GNB4: variants seen among roughly 807,000 people sequenced by gnomAD.
The protein encoded by GNB4 is guanine nucleotide-binding protein subunit beta-4.
GNB4 carries 28 observed loss-of-function variants against 45.2 expected under a neutral mutation model. The observed-to-expected ratio is 0.62, with a 90% CI of 0.46 to 0.85. The LOEUF is 0.85. Among genes scored for constraint, GNB4 ranks in the 40% least tolerant of loss-of-function variants. The pLI is 0.00. For synonymous variants in GNB4, 132 were observed against 143.7 expected (o/e 0.92, Z 0.58); for missense variants, 321 against 425.4 (o/e 0.75, Z 2.16).
Position 179,398,093 on chromosome 3 carries a change from TTAGAAAAGAATATGTATCTCTAAAA to T in GNB4, c.*3095_*3119del. ...TCAACACCACAGGGTGATAACATACTTAGAAAAGAATATGTATCTCTAAAATATTCTTGCCAGATCTCAAAAAACT... is the reference window on the plus strand; with the variant it reads ...TCAACACCACAGGGTGATAACATACTTATTCTTGCCAGATCTCAAAAAACT... On this transcript the variant is annotated 3_prime_UTR_variant, in exon 10 of 10. Coordinates refer to ENST00000232564, the MANE Select transcript of GNB4 (RefSeq NM_021629.4). The T allele has an allele frequency of 6.6e-6, 1 of 152,256 alleles. No homozygotes were observed. The highest frequency in any genetic ancestry group is 2.1e-4 in the South Asian group (1 of 4,826). The allele number at this position is 152,256 out of a possible 1,614,324, so 9.4% of individuals were successfully genotyped here.
chr3:179,505,236 G>A, the GNB4 span, among the ~76,000 whole-genome samples: 1 of 152,176 alleles, frequency 6.6e-6, no homozygotes, highest in East Asian at 1.9e-4. Context: ...CCCTCTCATC[G>A]CAAAGCTCCA....
the GNB4 span, among the ~76,000 whole-genome samples, chr3:179,520,176 C>T: frequency 7.1e-6 from 1 of 140,372 alleles, no homozygotes; most frequent in Admixed American, 7.1e-5. Flanking sequence ...TAGACTGACC[C>T]TGACACCCAT....
chr3:179,401,378 T>C lies in GNB4; in HGVS notation c.917-59A>G, dbSNP rs1281779282. The C allele has an allele frequency of 1.1e-5, 11 of 1,025,926 alleles. No homozygotes were observed. In the Admixed American group the frequency reaches 1.7e-4, roughly 16 times the overall value. The allele number at this position is 1,025,926 out of a possible 1,614,324, so 63.6% of individuals were successfully genotyped here. On this transcript the variant is annotated intron_variant, in intron 9 of 9. Coordinates refer to ENST00000232564, the MANE Select transcript of GNB4 (RefSeq NM_021629.4). Reference sequence around the variant, plus strand: ...GTAGGGTTTTAGAATTAAACAAGTATATGCAGAGATTTAAAAGGGTGCTTA... The same window carrying C: ...GTAGGGTTTTAGAATTAAACAAGTACATGCAGAGATTTAAAAGGGTGCTTA...
At chr3:179,418,617 A>G (rs767805685) in intron 4 of GNB4, among the ~76,000 whole-genome samples, 8 of 152,340 alleles carry the variant, frequency 5.3e-5, no homozygotes, top group Non-Finnish European at 8.8e-5. Flanking sequence ...TAGAGCAACA[A>G]TTGAGGCTTC....
chr3:179,441,625 G>A (rs141502812), intron 1 of GNB4, among the ~76,000 whole-genome samples: 2,618 of 151,574 alleles, frequency 0.017, 55 homozygotes, highest in African/African-American at 0.056. Context: ...GGTGGCCGGC[G>A]CCTGTAATCC....
At chr3:179,442,875 C>G (rs933490110) in intron 1 of GNB4, among the ~76,000 whole-genome samples, 13 of 152,186 alleles carry the variant, frequency 8.5e-5, no homozygotes, top group African/African-American at 3.1e-4. Context: ...GACTGTCTTC[C>G]CATCTCAGCC....
chr3:179,420,332 GTTTCACCATGT>G lies in GNB4; in HGVS notation c.96+546_96+556del, dbSNP rs1432725055. Among the ~76,000 whole-genome samples, 6 of 149,584 alleles carry G rather than the reference GTTTCACCATGT, an allele frequency of 4.0e-5. No homozygotes were observed. The South Asian group carries it at 1.0e-3, about 26-fold the overall frequency. On this transcript the variant is annotated intron_variant, in intron 3 of 9. Coordinates refer to ENST00000232564, the MANE Select transcript of GNB4 (RefSeq NM_021629.4). The stretch of plus-strand genomic sequence containing the variant: ...TTTTTTTTTTTCTAGTAGAGACAGG[GTTTCACCATGT>G]TGGCCAGGCTGGCCTCAAACTCTTG...
chr3:179,488,078 C>T, the GNB4 span, among the ~76,000 whole-genome samples: 12 of 151,658 alleles, frequency 7.9e-5, no homozygotes, highest in African/African-American at 1.2e-4. Context: ...ACTTGCAGCT[C>T]ATCCACTGAC....
At chr3:179,469,278 A>C in the GNB4 span, among the ~76,000 whole-genome samples, 1 of 152,160 alleles carries the variant, frequency 6.6e-6, no homozygotes, top group African/African-American at 2.4e-5. Flanking sequence ...TGCAAAATAA[A>C]CTTCTAAACT....
chr3:179,425,846 C>T (rs1715132348), intron 2 of GNB4, among the ~76,000 whole-genome samples: 2 of 152,182 alleles, frequency 1.3e-5, no homozygotes, highest in Admixed American at 1.3e-4. Flanking sequence ...ACACTATCTA[C>T]ATTATGGTTT....
At chr3:179,462,565 A>G in the GNB4 span, among the ~76,000 whole-genome samples, 1 of 152,180 alleles carries the variant, frequency 6.6e-6, no homozygotes, top group Non-Finnish European at 1.5e-5. Context: ...TTGGCCGGGC[A>G]TGGTGGTTTA....
chr3:179,512,695 T>TA, the GNB4 span, among the ~76,000 whole-genome samples: 3 of 152,280 alleles, frequency 2.0e-5, no homozygotes, highest in East Asian at 5.8e-4. Context: ...CAGAGCAGAG[T>TA]AAAAAAACTA....
chr3:179,485,685 A>T, the GNB4 span, among the ~76,000 whole-genome samples: 1 of 152,172 alleles, frequency 6.6e-6, no homozygotes, highest in Non-Finnish European at 1.5e-5. Flanking sequence ...TCATGCCTGG[A>T]ATCCCAGCAC....
chr3:179,522,192 A>T, the GNB4 span, among the ~76,000 whole-genome samples: 1 of 152,158 alleles, frequency 6.6e-6, no homozygotes, highest in Non-Finnish European at 1.5e-5. Context: ...AAAAGAAGTT[A>T]AAATGGCCTG....
chr3:179,418,470 CAAAA>C (rs386356535), intron 4 of GNB4, among the ~76,000 whole-genome samples: 2 of 95,396 alleles, frequency 2.1e-5, no homozygotes, highest in Non-Finnish European at 4.2e-5. Flanking sequence ...AACTCTGTCT[CAAAA>C]AAAAAAAAAA....
Position 179,397,356 on chromosome 3 carries a change from T to C in GNB4, c.*3857A>G, listed in dbSNP as rs1714148321. 6.6e-6 allele frequency: 1 copy of C among 152,246 alleles called. No homozygotes were observed. The highest frequency in any genetic ancestry group is 1.5e-5 in the Non-Finnish European group (1 of 68,046). The allele number at this position is 152,246 out of a possible 1,614,324, so 9.4% of individuals were successfully genotyped here. On this transcript the variant is annotated 3_prime_UTR_variant, in exon 10 of 10. Coordinates refer to ENST00000232564, the MANE Select transcript of GNB4 (RefSeq NM_021629.4). ...GTTATACAATATTGGCACAGCATTTTTAAGCAATAATAAAAGTTTCATTTT... is the reference window on the plus strand; with the variant it reads ...GTTATACAATATTGGCACAGCATTTCTAAGCAATAATAAAAGTTTCATTTT...
chr3:179,428,166 A>G (rs1340926345), intron 1 of GNB4, among the ~76,000 whole-genome samples: 2 of 152,254 alleles, frequency 1.3e-5, no homozygotes. Context: ...ATTTTGTCCA[A>G]TTAAAAAATA....
chr3:179,425,295 C>T (rs1483592013), intron 2 of GNB4, among the ~76,000 whole-genome samples: 1 of 152,168 alleles, frequency 6.6e-6, no homozygotes, highest in Non-Finnish European at 1.5e-5. Context: ...TCAGAGCCTC[C>T]CCACGTGCTG....
intron 8 of GNB4, among the ~76,000 whole-genome samples, chr3:179,409,960 G>C (rs1220600614): frequency 6.6e-6 from 1 of 152,198 alleles, no homozygotes. Flanking sequence ...GCCGGTGGAA[G>C]GTAACTGAAT....
Sources: allele counts gnomAD v4.1 joint callset (sites outside exome capture counted in the v4.1 genomes callset), GRCh38; gene constraint gnomAD v4.1.1; transcripts MANE v1.5; gene names NCBI Gene and HGNC (gene_info 2026-07-23, HGNC 2026-07-21).